Variants in B3GAT2 observed in about 807,000 individuals in gnomAD.
The protein encoded by B3GAT2 is beta-1,3-glucuronyltransferase 2, also known as galactosylgalactosylxylosylprotein 3-beta-glucuronosyltransferase 2.
In B3GAT2, 26 loss-of-function variants were observed where a neutral mutation model predicts 27.8. The observed-to-expected ratio is 0.93, with a 90% CI of 0.68 to 1.30. B3GAT2 has a LOEUF of 1.30. Ranked by LOEUF, B3GAT2 falls within the 50% of genes most tolerant of loss-of-function variation. B3GAT2 has a pLI of 0.00. For missense variants in B3GAT2, 458 were observed against 459.0 expected, an observed-to-expected ratio of 1.00 and a Z score of 0.02; for synonymous variants, 218 against 195.1, an observed-to-expected ratio of 1.12 and a Z score of -0.98.
At chr6:70,947,894 A>G (rs9718278) in intron 1 of B3GAT2, among the ~76,000 whole-genome samples, 109,105 of 151,820 alleles carry the variant, frequency 0.72, 39,516 homozygotes, top group African/African-American at 0.77. Flanking sequence ...GATCAAGTGG[A>G]CTTCATCCCT....
At chr6:70,904,044 C>T (rs2474918) in intron 1 of B3GAT2, among the ~76,000 whole-genome samples, 68,878 of 151,948 alleles carry the variant, frequency 0.45, 16,372 homozygotes, top group East Asian at 0.66. Flanking sequence ...ATACAATGGA[C>T]TGCTATTCAG....
intron 2 of B3GAT2, among the ~76,000 whole-genome samples, chr6:70,864,104 C>A (rs1259372153): frequency 6.8e-6 from 1 of 146,358 alleles, no homozygotes; most frequent in African/African-American, 2.5e-5. Context: ...GAGAGCCTAC[C>A]CTTCTCAGTC....
At chr6:70,907,986 C>T (rs1772628735) in intron 1 of B3GAT2, among the ~76,000 whole-genome samples, 1 of 152,226 alleles carries the variant, frequency 6.6e-6, no homozygotes, top group Non-Finnish European at 1.5e-5. Context: ...ATTTGGCACA[C>T]TTTCCATTCT....
At chr6:70,939,688 T>A (rs987345868) in intron 1 of B3GAT2, among the ~76,000 whole-genome samples, 19 of 151,152 alleles carry the variant, frequency 1.3e-4, no homozygotes, top group Non-Finnish European at 2.9e-5. Context: ...TAGATGGGAA[T>A]TGAACAATGA....
In B3GAT2 at chr6:70,956,178, G is replaced by A. The variant is rs774281144; in HGVS notation, c.252C>T (p.Ala84=). 3 of 1,611,058 alleles carry A rather than the reference G, an allele frequency of 1.9e-6. No individual in the cohort carries two copies. The highest frequency in any genetic ancestry group is 2.2e-5 in the East Asian group (1 of 44,830). ...QPEPQLPTIY[A]ITPTYSRPVQ... ...CCGGGCGGCTGTAGGTGGGCGTGAT[G>A]GCATAGATGGTGGGCAGCTGCGGCT... The change falls in exon 1 of 4, where the codon GCC becomes GCT. Residue 84 remains alanine (A), a synonymous_variant. Coordinates refer to ENST00000230053, the MANE Select transcript of B3GAT2 (RefSeq NM_080742.3).
chr6:70,899,952 C>A (rs1008330551), intron 1 of B3GAT2, among the ~76,000 whole-genome samples: 1 of 152,174 alleles, frequency 6.6e-6, no homozygotes, highest in Non-Finnish European at 1.5e-5. Flanking sequence ...AGTTACATAA[C>A]AAACACAATC....
In B3GAT2 at chr6:70,956,090, T is replaced by C. The variant is rs764212379; in HGVS notation, c.340A>G (p.Ile114Val). The change falls in exon 1 of 4, where the codon ATC becomes GTC. Residue 114 changes from isoleucine (I) to valine (V), a missense_variant. Coordinates refer to ENST00000230053, the MANE Select transcript of B3GAT2 (RefSeq NM_080742.3). Reference protein sequence around the residue: ...TFRQVAQLHWILVEDAAARSE... With the variant: ...TFRQVAQLHWVLVEDAAARSE... The stretch of plus-strand genomic sequence containing the variant: ...CGCGCCGCCGCGTCCTCCACCAGGA[T>C]CCAGTGCAGCTGCGCCACCTGGCGG... The C allele has an allele frequency of 6.9e-6, 11 of 1,598,046 alleles. No individual in the cohort carries two copies. The African/African-American group carries it at 1.2e-4, about 18-fold the overall frequency.
At chr6:70,931,536 T>C (rs1048362158) in intron 1 of B3GAT2, among the ~76,000 whole-genome samples, 8 of 152,134 alleles carry the variant, frequency 5.3e-5, no homozygotes, top group East Asian at 1.9e-4. Context: ...CTCCCACATA[T>C]GGTCAGTGAT....
At chr6:70,949,167 A>G (rs1439336528) in intron 1 of B3GAT2, among the ~76,000 whole-genome samples, 1 of 152,056 alleles carries the variant, frequency 6.6e-6, no homozygotes, top group Non-Finnish European at 1.5e-5. Flanking sequence ...TGTCTAAAAC[A>G]CCAAAAGCAT....
intron 1 of B3GAT2, among the ~76,000 whole-genome samples, chr6:70,904,031 T>A (rs1772554800): frequency 6.6e-6 from 1 of 152,082 alleles, no homozygotes; most frequent in Admixed American, 6.6e-5. Flanking sequence ...AAGCAAAACA[T>A]ACATACAATG....
At chr6:70,880,380 G>A (rs772591115) in intron 2 of B3GAT2, among the ~76,000 whole-genome samples, 4 of 152,130 alleles carry the variant, frequency 2.6e-5, no homozygotes, top group Non-Finnish European at 4.4e-5. Flanking sequence ...AGAAATGGAG[G>A]CACAGAGAGG....
intron 1 of B3GAT2, among the ~76,000 whole-genome samples, chr6:70,918,491 G>A (rs1041142336): frequency 2.0e-4 from 30 of 152,142 alleles, no homozygotes; most frequent in Non-Finnish European, 2.9e-4. Flanking sequence ...TCATAGCATC[G>A]ATGGTCTTTA....
chr6:70,888,569 C>G (rs1772230204), intron 2 of B3GAT2, among the ~76,000 whole-genome samples: 2 of 152,156 alleles, frequency 1.3e-5, no homozygotes, highest in African/African-American at 4.8e-5. Context: ...AGATGGCTGC[C>G]TGAGCCTCCA....
chr6:70,913,593 A>T (rs534089568), intron 1 of B3GAT2, among the ~76,000 whole-genome samples: 45 of 152,216 alleles, frequency 3.0e-4, no homozygotes, highest in Middle Eastern at 3.4e-3. Context: ...TGTGTTTTTA[A>T]TTTGCTAAGA....
chr6:70,896,411 G>A (rs1001073191), intron 1 of B3GAT2, among the ~76,000 whole-genome samples: 2 of 152,050 alleles, frequency 1.3e-5, no homozygotes, highest in Admixed American at 6.6e-5. Flanking sequence ...AATAAAATGC[G>A]CTTTTTAAAG....
At chr6:70,946,677 CAG>C (rs1765489298) in intron 1 of B3GAT2, among the ~76,000 whole-genome samples, 1 of 152,104 alleles carries the variant, frequency 6.6e-6, no homozygotes, top group South Asian at 2.1e-4. Context: ...ATCAACGAGA[CAG>C]AAAGTTAACA....
intron 1 of B3GAT2, among the ~76,000 whole-genome samples, chr6:70,901,475 A>G (rs1213745720): frequency 6.6e-6 from 1 of 152,228 alleles, no homozygotes; most frequent in Non-Finnish European, 1.5e-5. Flanking sequence ...AAACCGAACA[A>G]ACCCACATTG....
chr6:70,929,211 G>A (rs897234100), intron 1 of B3GAT2, among the ~76,000 whole-genome samples: 1 of 152,008 alleles, frequency 6.6e-6, no homozygotes, highest in South Asian at 2.1e-4. Flanking sequence ...GGTAGGGAGA[G>A]GGGGGAGGGA....
intron 1 of B3GAT2, among the ~76,000 whole-genome samples, chr6:70,945,387 T>C (rs1765463581): frequency 1.3e-5 from 2 of 152,050 alleles, no homozygotes; most frequent in South Asian, 4.2e-4. Context: ...AAGGAGCTGA[T>C]GGAGCTGAAA....
Sources: gnomAD v4.1 joint callset for allele counts (sites outside exome capture counted in the v4.1 genomes callset) on GRCh38, gnomAD v4.1.1 for gene constraint, MANE v1.5 for transcripts, NCBI Gene and HGNC (gene_info 2026-07-23, HGNC 2026-07-21) for gene names.